The following LRP1B variants were observed in gnomAD, a reference collection of about 807,000 sequenced individuals.
LRP1B encodes low-density lipoprotein receptor-related protein 1B.
LRP1B carries 217 observed loss-of-function variants against 556.6 expected under a neutral mutation model. The ratio of observed to expected loss-of-function variants is 0.39; its 90% CI spans 0.35 to 0.44. LRP1B has a LOEUF of 0.44. Ranked by LOEUF, LRP1B falls within the 20% of genes least tolerant of loss-of-function variation. The probability of loss-of-function intolerance (pLI) is 1.00; values close to 1 mark genes in which losing one functional copy is unlikely to be tolerated. For missense variants in LRP1B, 5,053 were observed against 5,620.8 expected (o/e 0.90, Z 3.23); for synonymous variants, 2,047 against 1,865.8 (o/e 1.10, Z -2.50).
rs536973581 is a variant in LRP1B at position 141,180,342 on chromosome 2, C to T, written c.1013+8079G>A. Among the ~76,000 whole-genome samples the T allele has an allele frequency of 4.5e-3, 445 of 99,254 alleles. 4 individuals are homozygous for T. The highest frequency in any genetic ancestry group is 5.9e-3 in the Non-Finnish European group (249 of 42,254). The allele number at this position is 99,254 out of a possible 152,430, so 65.1% of individuals were successfully genotyped here. The stretch of plus-strand genomic sequence containing the variant: ...CTCATATCTGCTTGTTTTCATAGAA[C>T]TCCATAAAAAAAAAAACAACTAGAA... On this transcript the variant is annotated intron_variant, in intron 7 of 90. Transcript: ENST00000389484.
intron 3 of LRP1B, among the ~76,000 whole-genome samples, chr2:141,364,429 T>C (rs914439198): frequency 3.4e-4 from 38 of 111,708 alleles, no homozygotes; most frequent in East Asian, 1.3e-3. Context: ...CACACACACA[T>C]ATATATATTT....
chr2:140,522,008 T>C (rs7569466), intron 49 of LRP1B, among the ~76,000 whole-genome samples: 150,217 of 152,158 alleles, frequency 0.99, 74,177 homozygotes, highest in Middle Eastern at 1. Context: ...AATTCAATAC[T>C]CCAGTGACAT....
chr2:140,409,371 A>G (rs1310500074), intron 66 of LRP1B, among the ~76,000 whole-genome samples: 3 of 152,068 alleles, frequency 2.0e-5, no homozygotes, highest in Admixed American at 1.3e-4. Context: ...AATAAAATGC[A>G]TCTAACGACA....
chr2:140,391,622 A>G (rs1684024214), intron 66 of LRP1B, among the ~76,000 whole-genome samples: 1 of 152,160 alleles, frequency 6.6e-6, no homozygotes, highest in Non-Finnish European at 1.5e-5. Flanking sequence ...ATACTTAGGT[A>G]TTATCAGCAT....
chr2:141,491,916 A>T (rs1293741929), intron 2 of LRP1B, among the ~76,000 whole-genome samples: 1 of 152,028 alleles, frequency 6.6e-6, no homozygotes, highest in Non-Finnish European at 1.5e-5. Context: ...AAAAAGTTAG[A>T]TGCAGGTCCC....
chr2:140,434,262 G>T (rs1686079252), intron 66 of LRP1B, among the ~76,000 whole-genome samples: 1 of 151,924 alleles, frequency 6.6e-6, no homozygotes, highest in African/African-American at 2.4e-5. Flanking sequence ...TACAGACGGG[G>T]TTTCACCATG....
intron 7 of LRP1B, among the ~76,000 whole-genome samples, chr2:141,073,424 C>T (rs1266493822): frequency 5.9e-5 from 9 of 151,976 alleles, no homozygotes; most frequent in Admixed American, 5.9e-4. Flanking sequence ...TTACTTTCTC[C>T]ACCTCTTCTC....
At chr2:141,455,399 G>A (rs78652627) in intron 3 of LRP1B, among the ~76,000 whole-genome samples, 3 of 152,260 alleles carry the variant, frequency 2.0e-5, no homozygotes, top group East Asian at 1.9e-4. Context: ...CTTGCTCAGC[G>A]ATCTGTATCT....
intron 7 of LRP1B, among the ~76,000 whole-genome samples, chr2:141,099,560 T>C (rs1009094816): frequency 1.3e-5 from 2 of 152,220 alleles, no homozygotes; most frequent in Non-Finnish European, 2.9e-5. Context: ...CACGTGTGTT[T>C]GGACATGCAC....
At chr2:141,797,993 G>A (rs562551497) in intron 2 of LRP1B, among the ~76,000 whole-genome samples, 3 of 152,006 alleles carry the variant, frequency 2.0e-5, no homozygotes, top group Non-Finnish European at 4.4e-5. Context: ...TCCTGGATTC[G>A]GTAAAATAAT....
intron 8 of LRP1B, among the ~76,000 whole-genome samples, chr2:141,061,581 C>T (rs913901729): frequency 1.3e-5 from 2 of 151,692 alleles, no homozygotes; most frequent in Non-Finnish European, 2.9e-5. Context: ...TACTTGAATA[C>T]ATCAGAAGTC....
At chr2:140,323,812 G>T (rs1680300719) in intron 81 of LRP1B, 81 bp downstream of exon 81, 1 of 702,282 alleles carries the variant, frequency 1.4e-6, no homozygotes, top group Non-Finnish European at 2.3e-6. Context: ...ACATAGTTAA[G>T]ATATTTAAAA....
intron 66 of LRP1B, among the ~76,000 whole-genome samples, chr2:140,403,320 G>T (rs1684588810): frequency 6.6e-6 from 1 of 152,086 alleles, no homozygotes; most frequent in South Asian, 2.1e-4. Context: ...TCAGAAGGTT[G>T]TTTATTAAGC....
chr2:141,875,446 T>G (rs978984066), intron 1 of LRP1B, among the ~76,000 whole-genome samples: 1 of 151,998 alleles, frequency 6.6e-6, no homozygotes, highest in African/African-American at 2.4e-5. Flanking sequence ...AAAATACAAT[T>G]GATACTGATG....
intron 2 of LRP1B, among the ~76,000 whole-genome samples, chr2:141,696,749 G>C (rs1051544090): frequency 1.3e-5 from 2 of 151,964 alleles, no homozygotes; most frequent in African/African-American, 4.8e-5. Flanking sequence ...AATTTTGAGG[G>C]AAGATTAAGA....
intron 43 of LRP1B, among the ~76,000 whole-genome samples, chr2:140,596,747 C>G (rs1023431243): frequency 1.3e-5 from 2 of 152,158 alleles, no homozygotes; most frequent in African/African-American, 4.8e-5. Context: ...GTAGAATCAC[C>G]TTCCTGCTAC....
chr2:141,269,105 C>G (rs1016876893), intron 3 of LRP1B, among the ~76,000 whole-genome samples: 5 of 152,152 alleles, frequency 3.3e-5, no homozygotes, highest in African/African-American at 1.2e-4. Flanking sequence ...ACAAACAGAG[C>G]TAGGTAGCTC....
At chr2:141,938,485 T>G (rs1286234474) in intron 1 of LRP1B, among the ~76,000 whole-genome samples, 1 of 152,166 alleles carries the variant, frequency 6.6e-6, no homozygotes, top group Non-Finnish European at 1.5e-5. Flanking sequence ...TGTACACTGT[T>G]GGTGGGAATG....
intron 1 of LRP1B, among the ~76,000 whole-genome samples, chr2:141,978,710 G>A (rs1407245400): frequency 3.9e-5 from 6 of 151,910 alleles, no homozygotes; most frequent in African/African-American, 1.4e-4. Flanking sequence ...TATAATGGTT[G>A]TAAAACTCTC....
Sources: gnomAD v4.1 joint callset for allele counts (sites outside exome capture counted in the v4.1 genomes callset) on GRCh38, gnomAD v4.1.1 for gene constraint, MANE v1.5 for transcripts, NCBI Gene and HGNC (gene_info 2026-07-23, HGNC 2026-07-21) for gene names.